The following CPNE5 variants were observed in gnomAD, a reference collection of about 807,000 sequenced individuals.
CPNE5 encodes copine 5, also known as copine-5.
In CPNE5, 42 loss-of-function variants were observed where a neutral mutation model predicts 81.1. The ratio of observed to expected loss-of-function variants is 0.52; its 90% CI spans 0.40 to 0.67. The LOEUF (loss-of-function observed/expected upper bound fraction) is 0.67. Among genes scored for constraint, CPNE5 ranks in the 30% least tolerant of loss-of-function variants. The pLI is 0.00. For missense variants in CPNE5, 612 were observed against 815.5 expected (o/e 0.75, Z 3.04); for synonymous variants, 313 against 321.5 (o/e 0.97, Z 0.28).
chr6:36,742,292 C>G lies in CPNE5; in HGVS notation c.1758G>C (p.Ala586=). ...PSQSPARTPP[A]SPLHTHI Reference sequence around the variant, plus strand: ...TTCAGATGTGCGTGTGCAGGGGGGACGCAGGGGGCGTGCGGGCTGGGGACT... The same window carrying G: ...TTCAGATGTGCGTGTGCAGGGGGGAGGCAGGGGGCGTGCGGGCTGGGGACT... The change falls in exon 21 of 21, where the codon GCG becomes GCC. Residue 586 remains alanine (A), a synonymous_variant. Transcript: ENST00000244751. 1.3e-6 allele frequency: 2 copies of G among 1,598,008 alleles called. No individual in the cohort carries two copies. The highest frequency in any genetic ancestry group is 1.7e-4 in the Middle Eastern group (1 of 5,870).
Position 36,823,051 on chromosome 6 carries a change from G to GACTT in CPNE5, c.136+3_136+6dup. 1.9e-6 allele frequency: 3 copies of GACTT among 1,572,962 alleles called. No homozygotes were observed. Among genetic ancestry groups the GACTT allele is most frequent in the Non-Finnish European group, 2.6e-6 (3 of 1,157,814 alleles). ...GTTACCGTTCTTATTGTCAGAGCAG[G>GACTT]ACTTACGTGGGTCGGACTTGGAAAA... is the stretch of plus-strand genomic sequence containing the variant. On this transcript the variant is annotated splice_region_variant and intron_variant, in intron 2 of 20. Transcript: ENST00000244751.
intron 14 of CPNE5, among the ~76,000 whole-genome samples, chr6:36,748,799 G>C (rs1764482323): frequency 6.6e-6 from 1 of 152,190 alleles, no homozygotes; most frequent in African/African-American, 2.4e-5. Flanking sequence ...ACAAGGGACA[G>C]AGGAACACAT....
chr6:36,835,303 G>A (rs1287112671), intron 1 of CPNE5, among the ~76,000 whole-genome samples: 1 of 152,210 alleles, frequency 6.6e-6, no homozygotes, highest in African/African-American at 2.4e-5. Context: ...TTTGGAGAAT[G>A]GAACGTCAGA....
chr6:36,750,895 G>T (rs1240851392), intron 14 of CPNE5, among the ~76,000 whole-genome samples: 2 of 152,208 alleles, frequency 1.3e-5, no homozygotes, highest in Non-Finnish European at 2.9e-5. Context: ...CTTGGGAAAG[G>T]AAGCAATTGG....
At chr6:36,818,678 A>T (rs946081832) in intron 3 of CPNE5, among the ~76,000 whole-genome samples, 5 of 152,198 alleles carry the variant, frequency 3.3e-5, no homozygotes, top group Non-Finnish European at 7.3e-5. Context: ...AACTTGCTCT[A>T]GGCCCCACCT....
intron 12 of CPNE5, 110 bp downstream of exon 12, chr6:36,762,807 T>C: frequency 1.1e-6 from 1 of 869,984 alleles, no homozygotes; most frequent in East Asian, 2.5e-5. Context: ...AATAACCCCT[T>C]TCTCACAGGA....
At chr6:36,748,989 T>C (rs937255958) in intron 14 of CPNE5, among the ~76,000 whole-genome samples, 4 of 152,326 alleles carry the variant, frequency 2.6e-5, no homozygotes, top group African/African-American at 9.6e-5. Flanking sequence ...CAGGCTGAAA[T>C]GCAGTGGCGT....
At chr6:36,787,488 T>G (rs1214083548) in intron 8 of CPNE5, among the ~76,000 whole-genome samples, 1 of 151,716 alleles carries the variant, frequency 6.6e-6, no homozygotes, top group Non-Finnish European at 1.5e-5. Context: ...TATTGGCATA[T>G]TACATAGTAT....
At chr6:36,776,663 T>C (rs986900788) in intron 9 of CPNE5, among the ~76,000 whole-genome samples, 4 of 152,176 alleles carry the variant, frequency 2.6e-5, no homozygotes, top group Admixed American at 2.6e-4. Context: ...GTGGACCCTC[T>C]GCAGCCTCCC....
chr6:36,768,119 C>T (rs528032542), intron 10 of CPNE5, among the ~76,000 whole-genome samples: 1 of 151,944 alleles, frequency 6.6e-6, no homozygotes, highest in South Asian at 2.1e-4. Context: ...TCAAAGTCTG[C>T]ACCTCCAGCT....
chr6:36,747,256 C>T lies in CPNE5; in HGVS notation c.1019-679G>A, dbSNP rs564321126. Among the ~76,000 whole-genome samples, 110 of 152,118 alleles carry T rather than the reference C, an allele frequency of 7.2e-4. 1 individual carries two copies. In the East Asian group the frequency reaches 0.016, roughly 22 times the overall value. ...ATCCTTCTTCCTGGCTTGATTTCCCCCCCCAGAGCCCTCTTCGCTGCCAAT... is the reference window on the plus strand; with the variant it reads ...ATCCTTCTTCCTGGCTTGATTTCCCTCCCCAGAGCCCTCTTCGCTGCCAAT... On this transcript the variant is annotated intron_variant, in intron 15 of 20. Transcript: ENST00000244751.
intron 18 of CPNE5, 78 bp from the exon 19 acceptor site, chr6:36,744,403 G>T: frequency 9.0e-7 from 1 of 1,113,634 alleles, no homozygotes; most frequent in Non-Finnish European, 1.3e-6. Flanking sequence ...ATCAGGGGTA[G>T]GACAGGAAGG....
At chr6:36,837,183 G>T (rs1186941255) in intron 1 of CPNE5, among the ~76,000 whole-genome samples, 1 of 152,226 alleles carries the variant, frequency 6.6e-6, no homozygotes, top group Non-Finnish European at 1.5e-5. Flanking sequence ...TAGCTTGCTA[G>T]GTGCTTCATG....
rs79525465 is a variant in CPNE5, at chr6:36,761,832, T to C, written c.855+1085A>G. On this transcript the variant is annotated intron_variant, in intron 12 of 20. Coordinates refer to ENST00000244751, the MANE Select transcript of CPNE5 (RefSeq NM_020939.2). The stretch of plus-strand genomic sequence containing the variant: ...TTATAAGTATCTGCCATTAAGTGGG[T>C]TTGGCATGAACCATGATGTCTGTGG... Among the ~76,000 whole-genome samples the C allele has an allele frequency of 1.1e-3, 163 of 152,240 alleles. 5 individuals are homozygous for C. In the East Asian group the frequency reaches 0.018, roughly 17 times the overall value.
At chr6:36,770,538 A>T (rs1340816139) in intron 10 of CPNE5, among the ~76,000 whole-genome samples, 4 of 151,542 alleles carry the variant, frequency 2.6e-5, no homozygotes, top group Non-Finnish European at 4.4e-5. Context: ...ATCCTCCTGT[A>T]CCTCTTCTCA....
chr6:36,798,973 A>G (rs55878058), intron 4 of CPNE5, among the ~76,000 whole-genome samples: 13,354 of 152,018 alleles, frequency 0.088, 1,014 homozygotes, highest in African/African-American at 0.2. Context: ...GCTTGCCCAC[A>G]GGCCTGGTCA....
In CPNE5 at chr6:36,798,337, C is replaced by T. The variant is rs1384206534; in HGVS notation, c.328-96G>A. ...CCCAATTCCTGGAAGCGTGAGGGCC[C>T]TTAAATGACAGGACGCAGCGTCGGA... is the stretch of plus-strand genomic sequence containing the variant. On this transcript the variant is annotated intron_variant, in intron 5 of 20. Coordinates refer to ENST00000244751, the MANE Select transcript of CPNE5 (RefSeq NM_020939.2). 3.3e-6 allele frequency: 5 copies of T among 1,505,290 alleles called. No individual in the cohort carries two copies. The East Asian group carries it at 9.1e-5, about 27-fold the overall frequency. The allele number at this position is 1,505,290 out of a possible 1,614,324, so 93.2% of individuals were successfully genotyped here. A position where few individuals can be genotyped will look rare whatever the true frequency, so the allele number is the denominator to read the frequency against.
At chr6:36,752,875 T>C (rs1764999202) in intron 14 of CPNE5, among the ~76,000 whole-genome samples, 159 bp downstream of exon 14, 3 of 152,172 alleles carry the variant, frequency 2.0e-5, no homozygotes, top group South Asian at 4.1e-4. Context: ...TCTGGATGAG[T>C]TGTCTCAGCC....
Position 36,835,225 on chromosome 6 carries a change from C to A in CPNE5, c.95+4058G>T, listed in dbSNP as rs574443174. ...AAGGTTTCTTGTTATGTAAAAAATG[C>A]AAATCATTCTTTCTAACCAACATGC... On this transcript the variant is annotated intron_variant, in intron 1 of 20. Transcript: ENST00000244751. Among the ~76,000 whole-genome samples the A allele has an allele frequency of 2.4e-4, 37 of 152,350 alleles. 1 individual carries two copies. Among genetic ancestry groups the A allele is most frequent in the Middle Eastern group, 6.8e-3 (2 of 294 alleles).
Sources: gnomAD v4.1 joint callset for allele counts (sites outside exome capture counted in the v4.1 genomes callset) on GRCh38, gnomAD v4.1.1 for gene constraint, MANE v1.5 for transcripts, NCBI Gene and HGNC (gene_info 2026-07-23, HGNC 2026-07-21) for gene names.